The following LRFN5 variants were observed in gnomAD, a reference collection of about 807,000 sequenced individuals.
The protein encoded by LRFN5 is leucine rich repeat and fibronectin type III domain containing 5.
A neutral mutation model predicts 45.6 loss-of-function variants in LRFN5; 24 were observed. The ratio of observed to expected loss-of-function variants is 0.53; its 90% CI spans 0.38 to 0.74. The LOEUF is 0.74. LRFN5 is among the 30% of genes least tolerant of loss of function. The pLI is 0.00. For synonymous variants in LRFN5, 340 were observed against 313.8 expected (o/e 1.08, Z -0.88); for missense variants, 776 against 861.5 (o/e 0.90, Z 1.24).
In LRFN5 at chr14:41,848,397, C is replaced by T. The variant is rs1450324639; in HGVS notation, c.-20-38209C>T. ...AGGAAAAAGAAAAAAGTAAAACAAA[C>T]CCAAGGTCAGCAGTACATTTTGAAC... is the stretch of plus-strand genomic sequence containing the variant. On this transcript the variant is annotated intron_variant, in intron 2 of 5. Coordinates refer to ENST00000298119, the MANE Select transcript of LRFN5 (RefSeq NM_152447.5). Among the ~76,000 whole-genome samples, 10 of 152,080 alleles carry T rather than the reference C, an allele frequency of 6.6e-5. No individual in the cohort carries two copies. In the South Asian group the frequency reaches 1.0e-3, roughly 16 times the overall value.
At position 41,750,557 on chromosome 14, in the gene LRFN5, T is replaced by A. The variant is rs537971343; in HGVS notation, c.-196-16297T>A. On this transcript the variant is annotated intron_variant, in intron 1 of 5. Coordinates refer to ENST00000298119, the MANE Select transcript of LRFN5 (RefSeq NM_152447.5). ...AATAATAAAGTACATATATTAAATA[T>A]TAAAATTTGCTTTCATTGTATTGTG... is the stretch of plus-strand genomic sequence containing the variant. Among the ~76,000 whole-genome samples the A allele has an allele frequency of 6.6e-5, 10 of 152,194 alleles. No individual in the cohort carries two copies. The South Asian group carries it at 2.1e-3, about 31-fold the overall frequency.
chr14:41,661,788 C>G (rs964938826), intron 1 of LRFN5, among the ~76,000 whole-genome samples: 1 of 151,908 alleles, frequency 6.6e-6, no homozygotes. Flanking sequence ...GAAGGTTGCC[C>G]TAGGCACCTT....
chr14:41,778,416 T>G (rs1886368852), intron 2 of LRFN5, among the ~76,000 whole-genome samples: 1 of 151,762 alleles, frequency 6.6e-6, no homozygotes, highest in South Asian at 2.1e-4. Flanking sequence ...GGGGACTATT[T>G]TATAGTTTTA....
At position 41,674,711 on chromosome 14, in the gene LRFN5, T is replaced by C. The variant is rs762041552; in HGVS notation, c.-197+66149T>C. Among the ~76,000 whole-genome samples the C allele has an allele frequency of 9.4e-3, 1,346 of 143,352 alleles. 6 individuals carry two copies. The highest frequency in any genetic ancestry group is 0.016 in the East Asian group (70 of 4,474). 94.0% of individuals were successfully genotyped at this position (143,352 alleles called of 152,430 possible). A position where few individuals can be genotyped will look rare whatever the true frequency, so the allele number is the denominator to read the frequency against. ...TGGCTGGGCGGGGGGCTGACCCCCC[T>C]ACCTCCCTCCCGGACGGGGTGGCTG... On this transcript the variant is annotated intron_variant, in intron 1 of 5. Transcript: ENST00000298119.
intron 1 of LRFN5, among the ~76,000 whole-genome samples, chr14:41,749,658 G>C (rs1337730051): frequency 6.6e-6 from 1 of 152,070 alleles, no homozygotes; most frequent in Non-Finnish European, 1.5e-5. Flanking sequence ...AGACGCTGGG[G>C]TCTATTTGAG....
chr14:41,689,445 T>A (rs1156936504), intron 1 of LRFN5, among the ~76,000 whole-genome samples: 1 of 149,098 alleles, frequency 6.7e-6, no homozygotes, highest in African/African-American at 2.4e-5. Context: ...TTACAGAAAT[T>A]TTTTTAAAAG....
At position 41,607,225 on chromosome 14, in the gene LRFN5, T is replaced by C. The variant is rs1201171304; in HGVS notation, c.-1534T>C. ...ATTGTTTAGCAGCTGGCTGCTCCCTTAGGATCCTTGACTTTGGGGAGCTCT... is the reference window on the plus strand; with the variant it reads ...ATTGTTTAGCAGCTGGCTGCTCCCTCAGGATCCTTGACTTTGGGGAGCTCT... On this transcript the variant is annotated 5_prime_UTR_variant, in exon 1 of 6. Transcript: ENST00000298119. 5.3e-5 allele frequency among the ~76,000 whole-genome samples: 8 copies of C among 152,038 alleles called. No homozygotes were observed. The highest frequency in any genetic ancestry group is 4.4e-5 in the Non-Finnish European group (3 of 68,004).
intron 2 of LRFN5, among the ~76,000 whole-genome samples, chr14:41,848,539 T>C (rs1889149776): frequency 6.6e-6 from 1 of 151,840 alleles, no homozygotes; most frequent in Non-Finnish European, 1.5e-5. Context: ...GTGTGAACAA[T>C]GAAGAGGGCT....
intron 5 of LRFN5, among the ~76,000 whole-genome samples, chr14:41,899,794 C>A (rs558284769): frequency 1.3e-5 from 2 of 152,240 alleles, no homozygotes; most frequent in South Asian, 4.1e-4. Flanking sequence ...CTAATGAATT[C>A]TATCCACAAA....
intron 2 of LRFN5, among the ~76,000 whole-genome samples, chr14:41,839,860 G>A (rs1035705708): frequency 1.4e-4 from 22 of 152,072 alleles, no homozygotes; most frequent in Admixed American, 5.9e-4. Flanking sequence ...CATGCTGTGT[G>A]CACATATTCA....
chr14:41,891,677 G>C lies in LRFN5; in HGVS notation c.1813G>C (p.Ala605Pro). The change falls in exon 4 of 6, where the codon GCT becomes CCT. Residue 605 changes from alanine (A) to proline (P), a missense_variant. Ala to Pro is a conservative substitution (Grantham distance 27). This residue lies in a region of LRFN5 where 465 missense variants were observed against 456.4 expected (regional missense o/e 1.02). Transcript: ENST00000298119. ...CGAAGAGAATGCCCAGTGTTGTAAA[G>C]CTACCAGTGACAATGTGATTCAATC... ...GHEENAQCCK[A>P]TSDNVIQSSE... 6.2e-7 allele frequency: 1 copy of C among 1,614,200 alleles called. No homozygotes were observed. The highest frequency in any genetic ancestry group is 1.3e-5 in the African/African-American group (1 of 75,050).
intron 2 of LRFN5, among the ~76,000 whole-genome samples, chr14:41,844,196 G>A (rs1486666162): frequency 1.3e-5 from 2 of 152,132 alleles, no homozygotes; most frequent in Non-Finnish European, 2.9e-5. Flanking sequence ...CTAACACTTT[G>A]GGAGGCCAAG....
chr14:41,614,491 A>C (rs150750443), intron 1 of LRFN5, among the ~76,000 whole-genome samples: 78 of 152,250 alleles, frequency 5.1e-4, no homozygotes, highest in Admixed American at 8.5e-4. Flanking sequence ...TCTTAGTAAC[A>C]TGAAAAATAT....
At chr14:41,808,387 GAAGGAAAGGAAGAAAGGAAGA>G (rs1285615136) in intron 2 of LRFN5, among the ~76,000 whole-genome samples, 137 of 90,082 alleles carry the variant, frequency 1.5e-3, no homozygotes, top group Non-Finnish European at 2.1e-3. Context: ...AAGAAGGAAG[GAAGGAAAGGAAGAAAGGAAGA>G]AAGGAAGGAA....
intron 1 of LRFN5, among the ~76,000 whole-genome samples, chr14:41,725,738 T>C (rs1008285198): frequency 6.6e-6 from 1 of 152,208 alleles, no homozygotes; most frequent in Non-Finnish European, 1.5e-5. Flanking sequence ...ACCAGATTGC[T>C]TTACTTCATG....
chr14:41,695,753 C>T (rs1297827561), intron 1 of LRFN5, among the ~76,000 whole-genome samples: 1 of 151,978 alleles, frequency 6.6e-6, no homozygotes, highest in African/African-American at 2.4e-5. Flanking sequence ...TATTACTGCT[C>T]ATTGACAGTA....
At chr14:41,667,094 A>G (rs184141325) in intron 1 of LRFN5, among the ~76,000 whole-genome samples, 4 of 152,310 alleles carry the variant, frequency 2.6e-5, no homozygotes, top group African/African-American at 7.2e-5. Context: ...AAGAATTCGT[A>G]ATAGTTCATA....
chr14:41,880,041 C>A (rs1890322989), intron 2 of LRFN5, among the ~76,000 whole-genome samples: 1 of 150,626 alleles, frequency 6.6e-6, no homozygotes, highest in African/African-American at 2.4e-5. Context: ...CAGTCTCCTG[C>A]CTCAGCATCC....
At chr14:41,767,265 G>T (rs1329726075) in intron 2 of LRFN5, among the ~76,000 whole-genome samples, 2 of 150,502 alleles carry the variant, frequency 1.3e-5, no homozygotes, top group African/African-American at 4.9e-5. Flanking sequence ...TTTTTTTTAG[G>T]ATTTGTGTTT....
Sources: gnomAD v4.1 joint callset for allele counts (sites outside exome capture counted in the v4.1 genomes callset) on GRCh38, gnomAD v4.1.1 for gene constraint, gnomAD v4.1.1 regional missense constraint, MANE v1.5 for transcripts, NCBI Gene and HGNC (gene_info 2026-07-23, HGNC 2026-07-21) for gene names.